Variants in OXR1 observed in about 807,000 individuals in gnomAD.
OXR1 encodes oxidation resistance protein 1.
In OXR1, 41 loss-of-function variants were observed where a neutral mutation model predicts 104.6. That is an observed-to-expected ratio of 0.39 (90% CI 0.31 to 0.51). The LOEUF (loss-of-function observed/expected upper bound fraction) is 0.51. Ranked by LOEUF, OXR1 falls within the 20% of genes least tolerant of loss-of-function variation. OXR1 has a pLI of 0.77. For synonymous variants in OXR1, 348 were observed against 348.4 expected, an observed-to-expected ratio of 1.00 and a Z score of 0.01; for missense variants, 955 against 1,031.9, an observed-to-expected ratio of 0.93 and a Z score of 1.02.
intron 2 of OXR1, among the ~76,000 whole-genome samples, chr8:106,420,083 A>G (rs1432873352): frequency 6.6e-6 from 1 of 152,188 alleles, no homozygotes; most frequent in East Asian, 1.9e-4. Context: ...TGAATTTTAC[A>G]GAATAATCTA....
intron 11 of OXR1, among the ~76,000 whole-genome samples, chr8:106,725,492 C>A (rs965274655): frequency 3.9e-4 from 60 of 152,070 alleles, no homozygotes; most frequent in Admixed American, 3.3e-3. Flanking sequence ...AAATTCACTT[C>A]TTTGCTTATA....
At chr8:106,550,114 C>G (rs1014754215) in intron 3 of OXR1, among the ~76,000 whole-genome samples, 1 of 152,126 alleles carries the variant, frequency 6.6e-6, no homozygotes, top group African/African-American at 2.4e-5. Flanking sequence ...AAATATCTAC[C>G]CAAAGTCATT....
chr8:106,722,357 T>C (rs556252146), intron 11 of OXR1, among the ~76,000 whole-genome samples: 84 of 152,182 alleles, frequency 5.5e-4, no homozygotes, highest in South Asian at 1.5e-3. Flanking sequence ...ACTGATCGAA[T>C]AATCAAATAA....
intron 2 of OXR1, among the ~76,000 whole-genome samples, chr8:106,477,605 G>A (rs2167797): frequency 0.11 from 16,374 of 151,734 alleles, 969 homozygotes; most frequent in African/African-American, 0.15. Context: ...CATATTTTAT[G>A]CATTTGTGAC....
intron 2 of OXR1, among the ~76,000 whole-genome samples, chr8:106,457,187 A>T (rs1421490267): frequency 6.6e-6 from 1 of 152,148 alleles, no homozygotes; most frequent in Non-Finnish European, 1.5e-5. Context: ...GTCACCTTTT[A>T]TTAAAAGATT....
At chr8:106,341,874 A>ATTTT (rs35921475) in intron 1 of OXR1, among the ~76,000 whole-genome samples, 1 of 141,276 alleles carries the variant, frequency 7.1e-6, no homozygotes. Flanking sequence ...CCCCACCTCT[A>ATTTT]TTTTTTTTTT....
chr8:106,674,842 G>T (rs1202989172), intron 3 of OXR1, among the ~76,000 whole-genome samples: 1 of 152,092 alleles, frequency 6.6e-6, no homozygotes, highest in Non-Finnish European at 1.5e-5. Context: ...TGAAAAAGGT[G>T]CCTGGTTCCC....
intron 3 of OXR1, among the ~76,000 whole-genome samples, chr8:106,645,559 A>G (rs1824007713): frequency 6.6e-6 from 1 of 152,010 alleles, no homozygotes; most frequent in Non-Finnish European, 1.5e-5. Context: ...AACAGAAGAA[A>G]ATGACCAGTG....
intron 3 of OXR1, chr8:106,657,674 A>G (rs1825245676): frequency 3.9e-6 from 1 of 256,202 alleles, no homozygotes; most frequent in Non-Finnish European, 6.7e-6. Context: ...CAGTTTTCTG[A>G]CCCCGCATCG....
intron 1 of OXR1, among the ~76,000 whole-genome samples, chr8:106,316,713 CTATCATCTATCTATCTATCTATCT>C (rs1241947117): frequency 1.7e-4 from 19 of 114,210 alleles, no homozygotes; most frequent in African/African-American, 4.3e-4. Context: ...ATCTATCTAT[CTATCATCTATCTATCTATCTATCT>C]ATCTATCTAT....
intron 2 of OXR1, among the ~76,000 whole-genome samples, chr8:106,437,006 A>C (rs1219625904): frequency 1.3e-5 from 2 of 152,196 alleles, no homozygotes; most frequent in Non-Finnish European, 2.9e-5. Flanking sequence ...AACAAACAAA[A>C]AAATCTTTCT....
chr8:106,585,584 T>C (rs2130658163), intron 3 of OXR1, among the ~76,000 whole-genome samples: 1 of 152,248 alleles, frequency 6.6e-6, no homozygotes, highest in East Asian at 1.9e-4. Flanking sequence ...GCAAAAACTA[T>C]ATAAATGAAC....
chr8:106,420,857 G>A (rs1818876084), intron 2 of OXR1, among the ~76,000 whole-genome samples: 1 of 151,536 alleles, frequency 6.6e-6, no homozygotes, highest in African/African-American at 2.4e-5. Context: ...AATCTAGCTG[G>A]TCTTTATTTA....
chr8:106,384,749 T>G (rs1172123640), intron 2 of OXR1, among the ~76,000 whole-genome samples: 5 of 151,444 alleles, frequency 3.3e-5, no homozygotes, highest in Non-Finnish European at 7.4e-5. Context: ...TTTTTTTAAG[T>G]TGGAATCTCA....
intron 2 of OXR1, among the ~76,000 whole-genome samples, chr8:106,499,792 A>C (rs1367633677): frequency 6.6e-6 from 1 of 152,228 alleles, no homozygotes; most frequent in Admixed American, 6.5e-5. Flanking sequence ...TGACTCCAGC[A>C]ATACCCTTGA....
intron 6 of OXR1, among the ~76,000 whole-genome samples, chr8:106,689,435 A>C (rs531596136): frequency 1.3e-5 from 2 of 152,096 alleles, no homozygotes; most frequent in Non-Finnish European, 2.9e-5. Context: ...ATTTTCAAAT[A>C]AGGTCACATT....
At chr8:106,355,837 T>C (rs1421405988) in intron 1 of OXR1, among the ~76,000 whole-genome samples, 1 of 152,160 alleles carries the variant, frequency 6.6e-6, no homozygotes, top group African/African-American at 2.4e-5. Context: ...TGAGTAAAGA[T>C]TGCACTTTTA....
chr8:106,710,555 A>G, intron 9 of OXR1, 67 bp from the exon 10 acceptor site: 1 of 1,051,282 alleles, frequency 9.5e-7, no homozygotes, highest in Non-Finnish European at 1.3e-6. Flanking sequence ...TTGAAGGTAA[A>G]GTTAACTAAA....
intron 1 of OXR1, among the ~76,000 whole-genome samples, chr8:106,328,043 C>T (rs1814547276): frequency 6.6e-6 from 1 of 152,130 alleles, no homozygotes. Context: ...AATGATATCA[C>T]TAGGATGCTG....
Sources: gnomAD v4.1 joint callset for allele counts (sites outside exome capture counted in the v4.1 genomes callset) on GRCh38, gnomAD v4.1.1 for gene constraint, MANE v1.5 for transcripts, NCBI Gene and HGNC (gene_info 2026-07-23, HGNC 2026-07-21) for gene names.